Variants in UQCRC2 observed in about 807,000 individuals in gnomAD.
UQCRC2 encodes the protein cytochrome b-c1 complex subunit 2, mitochondrial.
Under a neutral mutation model 55.6 loss-of-function variants are expected in UQCRC2, and 49 were observed. The ratio of observed to expected loss-of-function variants is 0.88; its 90% CI spans 0.70 to 1.12. The LOEUF (loss-of-function observed/expected upper bound fraction) is 1.12, where lower values mean the gene tolerates loss of function less well. UQCRC2 is among the 50% of genes most tolerant of loss of function. UQCRC2 has a pLI of 0.00. For missense variants in UQCRC2, 506 were observed against 547.8 expected (o/e 0.92, Z 0.76); for synonymous variants, 193 against 192.0 (o/e 1.01, Z -0.04).
rs1252541100 is a variant in UQCRC2 at position 21,957,534 on chromosome 16, A to T, written c.235A>T (p.Thr79Ser). The T allele has an allele frequency of 6.2e-7, 1 of 1,614,116 alleles. No homozygotes were observed. Among genetic ancestry groups the T allele is most frequent in the Admixed American group, 1.7e-5 (1 of 60,008 alleles). Residue 79 changes from threonine (T) to serine (S), a missense_variant, in exon 3 of 14, where the codon ACC (threonine) becomes TCC (serine). Transcript: ENST00000268379. Reference protein sequence around the residue: ...SRYEDFSNLGTTHLLRLTSSL... With the variant: ...SRYEDFSNLGSTHLLRLTSSL... ...ATATGAGGACTTCAGCAATTTAGGA[A>T]CCACCCATTTGCTGCGTCTTACATC...
chr16:21,972,691 G>A (rs796534208), intron 10 of UQCRC2, among the ~76,000 whole-genome samples: 6 of 151,856 alleles, frequency 4.0e-5, no homozygotes, highest in African/African-American at 1.2e-4. Context: ...CCTGGCCAAC[G>A]TGGTGAAACC....
In UQCRC2 at chr16:21,962,871, A is replaced by G. The variant is rs762433823; in HGVS notation, c.500A>G (p.Gln167Arg). The change falls in exon 6 of 14, where the codon CAG becomes CGG. Residue 167 changes from glutamine to arginine, a missense_variant. Coordinates refer to ENST00000268379, the MANE Select transcript of UQCRC2 (RefSeq NM_003366.4). ...QLKIDKAVAF[Q>R]NPQTHVIENL... ...AAGATTGACAAAGCTGTGGCCTTTCAGAATCCGCAGACTCGTAAGTACATT... is the reference window on the plus strand; with the variant it reads ...AAGATTGACAAAGCTGTGGCCTTTCGGAATCCGCAGACTCGTAAGTACATT... 3 of 1,614,054 alleles carry G rather than the reference A, an allele frequency of 1.9e-6. No homozygotes were observed. The highest frequency in any genetic ancestry group is 2.5e-6 in the Non-Finnish European group (3 of 1,179,986).
intron 6 of UQCRC2, among the ~76,000 whole-genome samples, chr16:21,963,974 C>A (rs535875788): frequency 2.0e-5 from 3 of 152,190 alleles, no homozygotes; most frequent in Non-Finnish European, 4.4e-5. Flanking sequence ...ATTATATAAT[C>A]TTGACAAGTA....
chr16:21,963,819 T>C (rs1898260232), intron 6 of UQCRC2, among the ~76,000 whole-genome samples: 1 of 152,170 alleles, frequency 6.6e-6, no homozygotes. Flanking sequence ...TACACCAGTT[T>C]ATTGCTGCTG....
In UQCRC2 at chr16:21,957,450, T is replaced by G. The variant is rs910028195; in HGVS notation, c.151T>G (p.Ser51Ala). 1.2e-6 allele frequency: 2 copies of G among 1,614,134 alleles called. No homozygotes were observed. The highest frequency in any genetic ancestry group is 4.5e-5 in the East Asian group (2 of 44,872). The change falls in exon 3 of 14, where the codon TCT becomes GCT. Residue 51 changes from serine to alanine, a missense_variant. Ser to Ala is a moderately conservative substitution (Grantham distance 99). Transcript: ENST00000268379. The stretch of plus-strand genomic sequence containing the variant: ...GTTACCAAATGGCTTGGTGATTGCT[T>G]CTTTGGAAAACTATTCTCCTGTATC... ...TKLPNGLVIA[S>A]LENYSPVSRI...
chr16:21,957,203 A>AAAT, intron 1 of UQCRC2, 32 bp from the exon 2 acceptor site: 1 of 1,606,194 alleles, frequency 6.2e-7, no homozygotes, highest in Non-Finnish European at 8.5e-7. Context: ...TTCTTGTGAG[A>AAAT]AATACGTGTA....
chr16:21,975,048 A>G (rs916552265), intron 11 of UQCRC2, among the ~76,000 whole-genome samples: 26 of 152,238 alleles, frequency 1.7e-4, no homozygotes, highest in African/African-American at 6.3e-4. Context: ...TAGTACAGTC[A>G]GTCAGCACTG....
intron 13 of UQCRC2, among the ~76,000 whole-genome samples, 174 bp from the exon 14 acceptor site, chr16:21,982,914 A>G (rs1477101861): frequency 2.6e-5 from 4 of 151,208 alleles, no homozygotes; most frequent in Non-Finnish European, 4.4e-5. Flanking sequence ...CAGTGAGCCA[A>G]GATCGCAGCA....
At chr16:21,962,961 A>G in intron 6 of UQCRC2, 76 bp downstream of exon 6, 6 of 1,496,384 alleles carry the variant, frequency 4.0e-6, no homozygotes, top group South Asian at 1.3e-5. Context: ...AAGAAAAAAA[A>G]TTGCTGTCAA....
chr16:21,971,646 A>G (rs1279534326), intron 9 of UQCRC2, 26 bp downstream of exon 9: 3 of 1,604,776 alleles, frequency 1.9e-6, no homozygotes, highest in East Asian at 2.2e-5. Flanking sequence ...TATTAGGGTT[A>G]ATTTATCAGA....
intron 4 of UQCRC2, chr16:21,959,516 TC>T (rs1260034014): frequency 6.4e-6 from 1 of 155,708 alleles, no homozygotes; most frequent in Non-Finnish European, 1.4e-5. Context: ...TGCAGTTTCT[TC>T]CCCCTCTGAA....
In UQCRC2 at chr16:21,962,472, A is replaced by C. The variant is rs1165695523; in HGVS notation, c.345A>C (p.Thr115=). The C allele has an allele frequency of 6.2e-7, 1 of 1,614,138 alleles. No individual in the cohort carries two copies. The highest frequency in any genetic ancestry group is 8.5e-7 in the Non-Finnish European group (1 of 1,180,014). ...AVGGKLSVTA[T]RENMAYTVEC... is the part of the protein sequence containing the mutation. ...TTTTCCGATTCAGTGTGACCGCAAC[A>C]AGGGAAAACATGGCTTATACTGTGG... The change falls in exon 5 of 14, where the codon ACA becomes ACC. Residue 115 remains threonine (T), a synonymous_variant. Coordinates refer to ENST00000268379, the MANE Select transcript of UQCRC2 (RefSeq NM_003366.4).
chr16:21,975,118 A>G (rs999666892), intron 11 of UQCRC2, among the ~76,000 whole-genome samples: 8 of 152,160 alleles, frequency 5.3e-5, no homozygotes, highest in Non-Finnish European at 1.2e-4. Flanking sequence ...GGAGGTAGGT[A>G]TTAGGGTTAA....
chr16:21,962,474 G>A lies in UQCRC2; in HGVS notation c.347G>A (p.Arg116Lys), dbSNP rs1898227314. 1 of 1,614,156 alleles carries A rather than the reference G, an allele frequency of 6.2e-7. No homozygotes were observed. The highest frequency in any genetic ancestry group is 8.5e-7 in the Non-Finnish European group (1 of 1,180,016). ...TTCCGATTCAGTGTGACCGCAACAAGGGAAAACATGGCTTATACTGTGGAA... is the reference window on the plus strand; with the variant it reads ...TTCCGATTCAGTGTGACCGCAACAAAGGAAAACATGGCTTATACTGTGGAA... ...VGGKLSVTATRENMAYTVECL... is the reference protein window; with the variant it reads ...VGGKLSVTATKENMAYTVECL... Residue 116 changes from arginine (R) to lysine (K), a missense_variant, in exon 5 of 14, where the codon AGG (arginine) becomes AAG (lysine). By Grantham distance (26) the Arg-to-Lys change is conservative (BLOSUM62 2). Transcript: ENST00000268379.
chr16:21,962,925 G>T, intron 6 of UQCRC2, 40 bp downstream of exon 6: 2 of 1,568,144 alleles, frequency 1.3e-6, no homozygotes, highest in East Asian at 2.3e-5. Flanking sequence ...CTAAGATACT[G>T]GGTTTTTTAG....
Position 21,980,579 on chromosome 16 carries a change from TG to T in UQCRC2, c.1159del (p.Glu387SerfsTer15). Reference sequence around the variant, plus strand: ...CTGAAAGCTGGATACCTAATGTCAGTGGAGTCTTCTGAGTGTTTCCTGGAAG... The same window carrying T: ...CTGAAAGCTGGATACCTAATGTCAGTGAGTCTTCTGAGTGTTTCCTGGAAG... ...NKLKAGYLMSVESSECFLEEV... is the reference protein window; with the variant it reads ...NKLKAGYLMSXESSECFLEEV... On this transcript the variant is annotated frameshift_variant, in exon 13 of 14. Coordinates refer to ENST00000268379, the MANE Select transcript of UQCRC2 (RefSeq NM_003366.4). LOFTEE classifies it high-confidence loss of function. 7 of 1,614,138 alleles carry T rather than the reference TG, an allele frequency of 4.3e-6. No homozygotes were observed. Among genetic ancestry groups the T allele is most frequent in the Non-Finnish European group, 5.9e-6 (7 of 1,180,012 alleles).
At chr16:21,980,417 G>C (rs975512323) in intron 12 of UQCRC2, 130 bp from the exon 13 acceptor site, 3 of 933,870 alleles carry the variant, frequency 3.2e-6, no homozygotes, top group Admixed American at 2.6e-5. Flanking sequence ...GGGGAATTCA[G>C]GAAGAGGGAG....
chr16:21,953,944 T>C (rs143120416), intron 1 of UQCRC2, among the ~76,000 whole-genome samples: 28 of 152,324 alleles, frequency 1.8e-4, no homozygotes, highest in African/African-American at 6.7e-4. Context: ...TTAAATACTA[T>C]GGTGTCTTAG....
intron 8 of UQCRC2, 39 bp downstream of exon 8, chr16:21,968,724 T>G: frequency 1.3e-6 from 2 of 1,569,130 alleles, no homozygotes; most frequent in Non-Finnish European, 1.7e-6. Flanking sequence ...GTTTGCTTCC[T>G]TAAGAGCAGT....
Sources: gnomAD v4.1 joint callset for allele counts (sites outside exome capture counted in the v4.1 genomes callset) on GRCh38, gnomAD v4.1.1 for gene constraint, MANE v1.5 for transcripts, NCBI Gene and HGNC (gene_info 2026-07-23, HGNC 2026-07-21) for gene names.